ATG14: variants seen among roughly 807,000 people sequenced by gnomAD.
ATG14 encodes autophagy related 14, also known as beclin 1-associated autophagy-related key regulator.
ATG14 carries 35 observed loss-of-function variants against 60.4 expected under a neutral mutation model. The ratio of observed to expected loss-of-function variants is 0.58; its 90% CI spans 0.44 to 0.77. ATG14 has a LOEUF of 0.77. ATG14 is among the 30% of genes least tolerant of loss of function. ATG14 has a pLI of 0.00. For missense variants in ATG14, 647 were observed against 626.3 expected, an observed-to-expected ratio of 1.03 and a Z score of -0.35; for synonymous variants, 234 against 228.8, an observed-to-expected ratio of 1.02 and a Z score of -0.21.
chr14:55,377,277 G>A (rs771099059), intron 9 of ATG14, among the ~76,000 whole-genome samples: 5 of 152,110 alleles, frequency 3.3e-5, no homozygotes, highest in East Asian at 1.9e-4. Context: ...AACCCAGGAG[G>A]TGGAGGTTGC....
Position 55,382,081 on chromosome 14 carries a change from TC to T in ATG14, c.757del (p.Asp253ThrfsTer71). 1 of 1,614,144 alleles carries T rather than the reference TC, an allele frequency of 6.2e-7. No homozygotes were observed. Among genetic ancestry groups the T allele is most frequent in the Non-Finnish European group, 8.5e-7 (1 of 1,180,014 alleles). On this transcript the variant is annotated frameshift_variant, in exon 6 of 10. Transcript: ENST00000247178. LOFTEE classifies it high-confidence loss of function. ...AATGCTGGTGTCTCCGTTGTGATCG[TC>T]ACAGACCCATCGTCCTGAGAGGTAA... Reference protein sequence around the residue: ...TTYLSGRWVCDDHNGDTSISI... With the variant: ...TTYLSGRWVCXDHNGDTSISI...
intron 1 of ATG14, among the ~76,000 whole-genome samples, chr14:55,400,234 T>TTTTTCAATACA (rs1885375164): frequency 6.6e-6 from 1 of 152,172 alleles, no homozygotes; most frequent in Non-Finnish European, 1.5e-5. Context: ...CACAAGTCTG[T>TTTTTCAATACA]GCTTTCTCAA....
chr14:55,385,865 C>A lies in ATG14; in HGVS notation c.641G>T (p.Gly214Val). The A allele has an allele frequency of 6.2e-7, 1 of 1,609,944 alleles. No homozygotes were observed. The highest frequency in any genetic ancestry group is 8.5e-7 in the Non-Finnish European group (1 of 1,177,594). Residue 214 changes from glycine (G) to valine (V), a missense_variant, in exon 5 of 10, where the codon GGT (glycine) becomes GTT (valine). By Grantham distance (109) the Gly-to-Val change is moderately radical. Coordinates refer to ENST00000247178, the MANE Select transcript of ATG14 (RefSeq NM_014924.5). Reference sequence around the variant, plus strand: ...AAAGACTTGCTTAATGTACCTCACACCCGTCTTTACTTCCTCGATTGGAAA... The same window carrying A: ...AAAGACTTGCTTAATGTACCTCACAACCGTCTTTACTTCCTCGATTGGAAA... ...VIFPIEEVKT[G>V]VRDPADVSSE...
At chr14:55,378,406 T>C (rs1401548148) in intron 7 of ATG14, among the ~76,000 whole-genome samples, 1 of 152,234 alleles carries the variant, frequency 6.6e-6, no homozygotes, top group Non-Finnish European at 1.5e-5. Flanking sequence ...TTGACACCTT[T>C]ACAGAAAGGC....
In ATG14 at chr14:55,368,916, ACT is replaced by A; in HGVS notation, c.*701_*702del. 1 of 152,262 alleles carries A rather than the reference ACT, an allele frequency of 6.6e-6. No homozygotes were observed. Among genetic ancestry groups the A allele is most frequent in the Middle Eastern group, 3.4e-3 (1 of 294 alleles). 9.4% of individuals were successfully genotyped at this position (152,262 alleles called of 1,614,324 possible). On this transcript the variant is annotated 3_prime_UTR_variant, in exon 10 of 10. Coordinates refer to ENST00000247178, the MANE Select transcript of ATG14 (RefSeq NM_014924.5). ...TCAGAATACAAGAAAATAGTTAAAA[ACT>A]CTCTAGACATTATTGCAGCCAGGAT...
chr14:55,380,172 T>C (rs1056803580), intron 7 of ATG14, among the ~76,000 whole-genome samples: 19 of 152,024 alleles, frequency 1.2e-4, no homozygotes, highest in Non-Finnish European at 2.6e-4. Context: ...TGCCTGAAAC[T>C]GTGAGGTGGA....
chr14:55,392,325 C>G (rs1885232117), intron 3 of ATG14, among the ~76,000 whole-genome samples: 1 of 152,088 alleles, frequency 6.6e-6, no homozygotes, highest in African/African-American at 2.4e-5. Context: ...TTGGGGACCC[C>G]TGCCTTAAAG....
Position 55,369,408 on chromosome 14 carries a change from G to C in ATG14, c.*211C>G. ...CTGGGTAGAAAGACCTTCGACCCCT[G>C]TTCTCTTAATTATCATAAGCATGTT... is the stretch of plus-strand genomic sequence containing the variant. On this transcript the variant is annotated 3_prime_UTR_variant, in exon 10 of 10. Coordinates refer to ENST00000247178, the MANE Select transcript of ATG14 (RefSeq NM_014924.5). The C allele has an allele frequency of 2.3e-6, 1 of 433,938 alleles. No individual in the cohort carries two copies. Among genetic ancestry groups the C allele is most frequent in the Non-Finnish European group, 4.0e-6 (1 of 252,230 alleles). The allele number at this position is 433,938 out of a possible 1,614,324, so 26.9% of individuals were successfully genotyped here.
intron 1 of ATG14, among the ~76,000 whole-genome samples, chr14:55,401,327 A>AT (rs1314444501): frequency 6.6e-6 from 1 of 150,674 alleles, no homozygotes; most frequent in African/African-American, 2.5e-5. Flanking sequence ...CACACAAATT[A>AT]TTTTTTCTAT....
intron 9 of ATG14, among the ~76,000 whole-genome samples, chr14:55,377,192 C>T (rs1343949774): frequency 2.0e-5 from 3 of 152,174 alleles, no homozygotes; most frequent in African/African-American, 4.8e-5. Context: ...ACTAAAAATA[C>T]AAAAATTAGC....
At chr14:55,402,973 A>ATG (rs1566585838) in intron 1 of ATG14, among the ~76,000 whole-genome samples, 1 of 109,452 alleles carries the variant, frequency 9.1e-6, no homozygotes, top group Non-Finnish European at 1.8e-5. Flanking sequence ...ATATATAAAT[A>ATG]GCTGGGCATA....
At chr14:55,372,834 G>T (rs1207681694) in intron 9 of ATG14, among the ~76,000 whole-genome samples, 2 of 152,154 alleles carry the variant, frequency 1.3e-5, no homozygotes, top group African/African-American at 4.8e-5. Flanking sequence ...AGGAGGAAAT[G>T]TCCAAGTTCC....
chr14:55,396,605 T>G (rs190449138), intron 2 of ATG14, among the ~76,000 whole-genome samples: 2 of 152,254 alleles, frequency 1.3e-5, no homozygotes, highest in South Asian at 2.1e-4. Context: ...TTGGCATGGT[T>G]TGGGGAGATG....
chr14:55,403,344 G>A lies in ATG14; in HGVS notation c.222-5910C>T, dbSNP rs1398582243. Among the ~76,000 whole-genome samples, 3 of 151,988 alleles carry A rather than the reference G, an allele frequency of 2.0e-5. 1 individual carries two copies. In the East Asian group the frequency reaches 5.8e-4, roughly 29 times the overall value. ...ACTATAGAATCAGACCACAAAAAGAGACTGAGGGATTATGAAACCAGGATA... is the reference window on the plus strand; with the variant it reads ...ACTATAGAATCAGACCACAAAAAGAAACTGAGGGATTATGAAACCAGGATA... On this transcript the variant is annotated intron_variant, in intron 1 of 9. Coordinates refer to ENST00000247178, the MANE Select transcript of ATG14 (RefSeq NM_014924.5).
At chr14:55,407,730 T>A (rs1477015113) in intron 1 of ATG14, among the ~76,000 whole-genome samples, 1 of 152,158 alleles carries the variant, frequency 6.6e-6, no homozygotes, top group African/African-American at 2.4e-5. Context: ...AAATAAATAA[T>A]ATTACACATT....
Position 55,385,995 on chromosome 14 carries a change from T to C in ATG14, c.511A>G (p.Lys171Glu). Reference protein sequence around the residue: ...KKEKIQRHNRKLGDLVEKKTI... With the variant: ...KKEKIQRHNRELGDLVEKKTI... ...TTTTTTTCTACCAGGTCACCAAGTT[T>C]GCGATTATGCCTCTGAATCTTCTCC... Residue 171 changes from lysine to glutamate, a missense_variant, in exon 5 of 10, where the codon AAA becomes GAA. Transcript: ENST00000247178. 6.2e-7 allele frequency: 1 copy of C among 1,614,206 alleles called. No individual in the cohort carries two copies. Among genetic ancestry groups the C allele is most frequent in the Non-Finnish European group, 8.5e-7 (1 of 1,180,032 alleles).
At chr14:55,373,082 C>T (rs1884854140) in intron 9 of ATG14, among the ~76,000 whole-genome samples, 3 of 152,168 alleles carry the variant, frequency 2.0e-5, no homozygotes. Context: ...ACCTGCCTGC[C>T]AGACCCCAAG....
chr14:55,369,515 C>A lies in ATG14; in HGVS notation c.*104G>T. ...ACAAAACAAAACAACACTTTAACCT[C>A]TTTGTTCCAGACACTATCTTAACTT... is the stretch of plus-strand genomic sequence containing the variant. On this transcript the variant is annotated 3_prime_UTR_variant, in exon 10 of 10. Transcript: ENST00000247178. 1 of 1,157,318 alleles carries A rather than the reference C, an allele frequency of 8.6e-7. No individual in the cohort carries two copies. The highest frequency in any genetic ancestry group is 2.5e-5 in the Admixed American group (1 of 39,800). 71.7% of individuals were successfully genotyped at this position (1,157,318 alleles called of 1,614,324 possible).
intron 1 of ATG14, among the ~76,000 whole-genome samples, chr14:55,408,796 C>T (rs573641014): frequency 4.4e-4 from 67 of 152,198 alleles, no homozygotes; most frequent in African/African-American, 1.6e-3. Flanking sequence ...AAATAAATCA[C>T]GTACCAAGTG....
Sources: gnomAD v4.1 joint callset for allele counts (sites outside exome capture counted in the v4.1 genomes callset) on GRCh38, gnomAD v4.1.1 for gene constraint, MANE v1.5 for transcripts, NCBI Gene and HGNC (gene_info 2026-07-23, HGNC 2026-07-21) for gene names.